The following PCDHGA9 variants were observed in gnomAD, a reference collection of about 807,000 sequenced individuals.
PCDHGA9 encodes the protein protocadherin gamma subfamily A, 9.
PCDHGA9 carries 37 observed loss-of-function variants against 62.5 expected under a neutral mutation model. That is an observed-to-expected ratio of 0.59 (90% CI 0.46 to 0.78). The LOEUF is 0.78. Among genes scored for constraint, PCDHGA9 ranks in the 30% least tolerant of loss-of-function variants. The pLI, the probability that PCDHGA9 is intolerant of heterozygous loss-of-function variation, is 0.00. For synonymous variants in PCDHGA9, 459 were observed against 484.6 expected, an observed-to-expected ratio of 0.95 and a Z score of 0.69; for missense variants, 1,138 against 1,166.2, an observed-to-expected ratio of 0.98 and a Z score of 0.35.
At position 141,421,672 on chromosome 5, in the gene PCDHGA9, C is replaced by T; in HGVS notation, c.2424+16296C>T. On this transcript the variant is annotated intron_variant, in intron 1 of 3. Coordinates refer to ENST00000573521, the MANE Select transcript of PCDHGA9 (RefSeq NM_018921.3). Reference sequence around the variant, plus strand: ...GATAAAAGTCAGTGAGCACGCAATTCCTGGGGCGCGATTTGCTCTTCCTAA... The same window carrying T: ...GATAAAAGTCAGTGAGCACGCAATTTCTGGGGCGCGATTTGCTCTTCCTAA... 4 of 1,613,862 alleles carry T rather than the reference C, an allele frequency of 2.5e-6. No individual in the cohort carries two copies. The highest frequency in any genetic ancestry group is 1.6e-4 in the Middle Eastern group (1 of 6,062).
At position 141,473,628 on chromosome 5, in the gene PCDHGA9, A is replaced by T. The variant is rs533175704; in HGVS notation, c.2425-21179A>T. The stretch of plus-strand genomic sequence containing the variant: ...AAAGCAAAGGGAGGGAGGAAAAAGC[A>T]GCTTTCCTGGCAAAGGAACAATTTG... On this transcript the variant is annotated intron_variant, in intron 1 of 3. Transcript: ENST00000573521. 4.6e-5 allele frequency among the ~76,000 whole-genome samples: 7 copies of T among 152,334 alleles called. No individual in the cohort carries two copies. In the South Asian group the frequency reaches 1.4e-3, roughly 32 times the overall value.
At chr5:141,415,467 C>T (rs754252558) in intron 1 of PCDHGA9, 2 of 1,614,080 alleles carry the variant, frequency 1.2e-6, no homozygotes, top group African/African-American at 1.3e-5. Context: ...TCTCTCTCAC[C>T]GCGGACTCGC....
At position 141,403,424 on chromosome 5, in the gene PCDHGA9, A is replaced by G. The variant is rs771429615; in HGVS notation, c.472A>G (p.Ile158Val). ...AGCACGTTATCCACTTCCAGAAGCT[A>G]TTGATCCGGATGTTGGCGTGAACTC... is the stretch of plus-strand genomic sequence containing the variant. ...PGARYPLPEAIDPDVGVNSLQ... is the reference protein window; with the variant it reads ...PGARYPLPEAVDPDVGVNSLQ... The change falls in exon 1 of 4, where the codon ATT (isoleucine) becomes GTT (valine). Residue 158 changes from isoleucine (I) to valine (V), a missense_variant. By Grantham distance (29) the Ile-to-Val change is conservative. Transcript: ENST00000573521. The G allele has an allele frequency of 3.1e-6, 5 of 1,613,932 alleles. No homozygotes were observed. In the African/African-American group the frequency reaches 4.0e-5, roughly 13 times the overall value.
At position 141,450,051 on chromosome 5, in the gene PCDHGA9, G is replaced by C. The variant is rs576363410; in HGVS notation, c.2424+44675G>C. ...AGACAGGGTCTCACTCTTTCGCCCA[G>C]GCTGGAATGCAGTGGTATGATCTTG... On this transcript the variant is annotated intron_variant, in intron 1 of 3. Coordinates refer to ENST00000573521, the MANE Select transcript of PCDHGA9 (RefSeq NM_018921.3). Among the ~76,000 whole-genome samples, 362 of 139,654 alleles carry C rather than the reference G, an allele frequency of 2.6e-3. 1 individual carries two copies. Among genetic ancestry groups the C allele is most frequent in the South Asian group, 5.5e-3 (25 of 4,506 alleles). 91.6% of individuals were successfully genotyped at this position (139,654 alleles called of 152,430 possible). A position where few individuals can be genotyped will look rare whatever the true frequency, so the allele number is the denominator to read the frequency against.
intron 1 of PCDHGA9, among the ~76,000 whole-genome samples, chr5:141,433,940 T>C (rs1315031506): frequency 6.6e-6 from 1 of 152,192 alleles, no homozygotes; most frequent in African/African-American, 2.4e-5. Flanking sequence ...TATAATTCCA[T>C]TGTTTCTTCT....
Position 141,499,029 on chromosome 5 carries a change from A to AAGGAAGG in PCDHGA9, c.2483+4165_2483+4166insGGAAGGA, listed in dbSNP as rs1562187768. Among the ~76,000 whole-genome samples, 348 of 140,068 alleles carry AAGGAAGG rather than the reference A, an allele frequency of 2.5e-3. 2 individuals carry two copies. The highest frequency in any genetic ancestry group is 9.3e-3 in the African/African-American group (335 of 36,066). The allele number at this position is 140,068 out of a possible 152,430, so 91.9% of individuals were successfully genotyped here. ...GGAAGGAAGGAAGGAAGGAAGGAAG[A>AAGGAAGG]AAAGAAAGAAAAAGGGAGAAAAAAT... is the stretch of plus-strand genomic sequence containing the variant. On this transcript the variant is annotated intron_variant, in intron 2 of 3. Transcript: ENST00000573521.
rs143530538 is a variant in PCDHGA9 at position 141,490,323 on chromosome 5, G to A, written c.2425-4484G>A. 18 of 1,614,102 alleles carry A rather than the reference G, an allele frequency of 1.1e-5. No individual in the cohort carries two copies. Among genetic ancestry groups the A allele is most frequent in the Non-Finnish European group, 1.4e-5 (17 of 1,180,056 alleles). ...CCTCTTTGGCCAACCCTGTCCTAGA[G>A]AGCACACCAGTGGGCACAGTAGTGG... On this transcript the variant is annotated intron_variant, in intron 1 of 3. Transcript: ENST00000573521. This position sits in a 1 kb window ranked among gnomAD's most constrained non-coding sequence, Gnocchi z 5.4.
rs1377364370 is a variant in PCDHGA9, at chr5:141,477,489, C to T, written c.2425-17318C>T. 1 of 1,614,048 alleles carries T rather than the reference C, an allele frequency of 6.2e-7. No homozygotes were observed. Among genetic ancestry groups the T allele is most frequent in the Non-Finnish European group, 8.5e-7 (1 of 1,180,044 alleles). On this transcript the variant is annotated intron_variant, in intron 1 of 3. Coordinates refer to ENST00000573521, the MANE Select transcript of PCDHGA9 (RefSeq NM_018921.3). This position sits in a 1 kb window ranked among gnomAD's most constrained non-coding sequence, Gnocchi z 4.9. ...ATCAATGACAACCCTCCACAATCTT[C>T]TCAATCTTCCTACGACGTTTACATT...
intron 1 of PCDHGA9, chr5:141,427,752 G>A (rs1171502843): frequency 4.5e-6 from 6 of 1,319,552 alleles, no homozygotes; most frequent in South Asian, 1.2e-5. Context: ...CTACTCCATC[G>A]TTACCACTGA....
Position 141,491,543 on chromosome 5 carries a change from A to G in PCDHGA9, c.2425-3264A>G. 6.2e-7 allele frequency: 1 copy of G among 1,613,842 alleles called. No individual in the cohort carries two copies. The highest frequency in any genetic ancestry group is 8.5e-7 in the Non-Finnish European group (1 of 1,179,982). ...ATGGAGGTGACGCTGCGGCCCACAG[A>G]CTCGCAGAGCCACTGCTACAGGACG... On this transcript the variant is annotated intron_variant, in intron 1 of 3. Coordinates refer to ENST00000573521, the MANE Select transcript of PCDHGA9 (RefSeq NM_018921.3). The surrounding 1 kb of genome is among the most constrained non-coding windows in gnomAD (Gnocchi z 6.9).
intron 1 of PCDHGA9, chr5:141,415,551 C>A (rs745641887): frequency 5.6e-6 from 9 of 1,614,014 alleles, no homozygotes; most frequent in Non-Finnish European, 7.6e-6. Context: ...GTGAGAAAAA[C>A]GATCCTTTGT....
rs549955923 is a variant in PCDHGA9, at chr5:141,409,897, A to G, written c.2424+4521A>G. 8.7e-6 allele frequency: 14 copies of G among 1,613,204 alleles called. No individual in the cohort carries two copies. The South Asian group carries it at 1.3e-4, about 15-fold the overall frequency. On this transcript the variant is annotated intron_variant, in intron 1 of 3. Coordinates refer to ENST00000573521, the MANE Select transcript of PCDHGA9 (RefSeq NM_018921.3). ...ACAACGCACCGCGGGTGCTGTACCC[A>G]GCTCTGGGTCCTGACGGCTCCGCGT...
chr5:141,412,041 T>G (rs2095531468), intron 1 of PCDHGA9: 1 of 152,108 alleles, frequency 6.6e-6, no homozygotes, highest in Non-Finnish European at 1.5e-5. Context: ...GTGAAAGAAG[T>G]GAACTTCTAT....
chr5:141,410,817 A>T, intron 1 of PCDHGA9: 1 of 524,252 alleles, frequency 1.9e-6, no homozygotes, highest in Non-Finnish European at 3.1e-6. Context: ...TTGTAAAATA[A>T]TGTCACCAGA....
intron 1 of PCDHGA9, among the ~76,000 whole-genome samples, chr5:141,446,571 G>C (rs1460375061): frequency 2.0e-5 from 3 of 152,058 alleles, no homozygotes; most frequent in African/African-American, 7.2e-5. Flanking sequence ...CTGCCTCCCA[G>C]GTTCAAGTGA....
chr5:141,443,436 T>A (rs1435598893), intron 1 of PCDHGA9, among the ~76,000 whole-genome samples: 1 of 152,132 alleles, frequency 6.6e-6, no homozygotes, highest in Admixed American at 6.6e-5. Context: ...CAGTGAGCTG[T>A]GGTTGCGCTC....
intron 1 of PCDHGA9, among the ~76,000 whole-genome samples, chr5:141,438,793 C>T (rs982191766): frequency 2.7e-5 from 4 of 149,544 alleles, no homozygotes; most frequent in African/African-American, 7.4e-5. Context: ...TCTCCAGTAG[C>T]TGGGATTACA....
chr5:141,427,606 G>A (rs965315804), intron 1 of PCDHGA9: 2 of 688,192 alleles, frequency 2.9e-6, no homozygotes, highest in African/African-American at 3.5e-5. Flanking sequence ...CTACGCATTG[G>A]TGAAGTCAAC....
Position 141,441,858 on chromosome 5 carries a change from C to T in PCDHGA9, c.2424+36482C>T, listed in dbSNP as rs535716058. The T allele has an allele frequency of 6.0e-5, 21 of 349,416 alleles. No homozygotes were observed. The East Asian group carries it at 7.4e-4, about 12-fold the overall frequency. The allele number at this position is 349,416 out of a possible 1,614,324, so 21.6% of individuals were successfully genotyped here. On this transcript the variant is annotated intron_variant, in intron 1 of 3. Coordinates refer to ENST00000573521, the MANE Select transcript of PCDHGA9 (RefSeq NM_018921.3). ...TCGCGCTCTTGGATATGGTGCTGCA[C>T]GCCGCGGAGCCTGGCTACCTGGTCA...
Sources: gnomAD v4.1 joint callset for allele counts (sites outside exome capture counted in the v4.1 genomes callset) on GRCh38, gnomAD v4.1.1 for gene constraint, Gnocchi (gnomAD v3.1) non-coding constraint, MANE v1.5 for transcripts, NCBI Gene and HGNC (gene_info 2026-07-23, HGNC 2026-07-21) for gene names.